FBXW4: variants seen among roughly 807,000 people sequenced by gnomAD.
FBXW4 encodes the protein F-box and WD repeat domain containing 4, also known as F-box/WD repeat-containing protein 4.
In FBXW4, 40 loss-of-function variants were observed where a neutral mutation model predicts 61.8. The observed-to-expected ratio is 0.65, with a 90% CI of 0.50 to 0.84. The LOEUF (loss-of-function observed/expected upper bound fraction) is 0.84. Ranked by LOEUF, FBXW4 falls within the 40% of genes least tolerant of loss-of-function variation. The probability of loss-of-function intolerance (pLI) is 0.00; values close to 1 mark genes in which losing one functional copy is unlikely to be tolerated. For synonymous variants in FBXW4, 311 were observed against 313.8 expected, an observed-to-expected ratio of 0.99 and a Z score of 0.10; for missense variants, 672 against 753.8, an observed-to-expected ratio of 0.89 and a Z score of 1.27.
At chr10:101,642,874 G>C (rs2064065762) in intron 5 of FBXW4, among the ~76,000 whole-genome samples, 1 of 152,178 alleles carries the variant, frequency 6.6e-6, no homozygotes, top group South Asian at 2.1e-4. Context: ...ATTTAGGGCA[G>C]GGCTGGGCGT....
Position 101,694,351 on chromosome 10 carries a change from C to T in FBXW4, c.725+30G>A, listed in dbSNP as rs1182197583. On this transcript the variant is annotated intron_variant, in intron 1 of 8. Coordinates refer to ENST00000331272, the MANE Select transcript of FBXW4 (RefSeq NM_022039.4). This position sits in a 1 kb window ranked among gnomAD's most constrained non-coding sequence, Gnocchi z 6.0. ...CCCGGGACGCGGGGCCGGCTCGGGGCGGGGAGCGGGCGGGCGAGCGGACGC... is the reference window on the plus strand; with the variant it reads ...CCCGGGACGCGGGGCCGGCTCGGGGTGGGGAGCGGGCGGGCGAGCGGACGC... 3 of 1,351,396 alleles carry T rather than the reference C, an allele frequency of 2.2e-6. No individual in the cohort carries two copies. The highest frequency in any genetic ancestry group is 3.1e-5 in the East Asian group (1 of 32,296). 83.7% of individuals were successfully genotyped at this position (1,351,396 alleles called of 1,614,324 possible).
intron 5 of FBXW4, among the ~76,000 whole-genome samples, chr10:101,651,926 A>G (rs2064149042): frequency 6.6e-6 from 1 of 151,558 alleles, no homozygotes; most frequent in Non-Finnish European, 1.5e-5. Flanking sequence ...CCTGCCAATC[A>G]CCTCTAGTTA....
At chr10:101,678,731 TAC>T (rs2064442978) in intron 1 of FBXW4, among the ~76,000 whole-genome samples, 1 of 152,166 alleles carries the variant, frequency 6.6e-6, no homozygotes, top group South Asian at 2.1e-4. Flanking sequence ...CCCGGCGAGA[TAC>T]ACTCATTTAT....
chr10:101,694,875 C>A lies in FBXW4; in HGVS notation c.231G>T (p.Ala77=). 2 of 1,243,268 alleles carry A rather than the reference C, an allele frequency of 1.6e-6. No individual in the cohort carries two copies. Among genetic ancestry groups the A allele is most frequent in the South Asian group, 3.6e-5 (1 of 27,804 alleles). 77.0% of individuals were successfully genotyped at this position (1,243,268 alleles called of 1,614,324 possible). The change falls in exon 1 of 9, where the codon GCG becomes GCT. Residue 77 remains alanine (A), a synonymous_variant. Transcript: ENST00000331272. This position sits in a 1 kb window ranked among gnomAD's most constrained non-coding sequence, Gnocchi z 6.0. The part of the protein sequence containing the change: ...EAAGPGADAG[A]RACPREEAEG... ...CTGCTTCCTCCCTTGGGCATGCCCT[C>A]GCTCCCGCGTCAGCCCCCGGCCCGG...
intron 1 of FBXW4, among the ~76,000 whole-genome samples, chr10:101,689,420 G>T (rs2064567844): frequency 6.6e-6 from 1 of 152,196 alleles, no homozygotes; most frequent in Non-Finnish European, 1.5e-5. Context: ...GCTTCCACAG[G>T]TGTACTGTTT....
intron 5 of FBXW4, among the ~76,000 whole-genome samples, chr10:101,629,945 C>T (rs1422003384): frequency 2.0e-5 from 3 of 152,170 alleles, no homozygotes; most frequent in Admixed American, 2.0e-4. Context: ...GCAGCTGTGC[C>T]CCGTGGCTGG....
chr10:101,683,912 G>A (rs1589782202), intron 1 of FBXW4, among the ~76,000 whole-genome samples: 1 of 152,306 alleles, frequency 6.6e-6, no homozygotes, highest in East Asian at 1.9e-4. Flanking sequence ...AGGCCAAGGA[G>A]GGGAAAACAG....
intron 5 of FBXW4, among the ~76,000 whole-genome samples, chr10:101,630,880 A>G (rs947637341): frequency 6.6e-6 from 1 of 152,236 alleles, no homozygotes; most frequent in Non-Finnish European, 1.5e-5. Flanking sequence ...CAGGTGGGGA[A>G]ACATCCACCT....
chr10:101,643,514 G>A (rs556267949), intron 5 of FBXW4, among the ~76,000 whole-genome samples: 1 of 152,356 alleles, frequency 6.6e-6, no homozygotes, highest in Non-Finnish European at 1.5e-5. Context: ...GATGCCGCAG[G>A]CATATGCACG....
intron 6 of FBXW4, among the ~76,000 whole-genome samples, chr10:101,615,180 T>TG (rs2063816891): frequency 6.6e-6 from 1 of 152,118 alleles, no homozygotes; most frequent in African/African-American, 2.4e-5. Flanking sequence ...CCTCTCACTG[T>TG]GGGGGGCGAG....
chr10:101,683,833 T>C (rs1229097146), intron 1 of FBXW4, among the ~76,000 whole-genome samples: 1 of 152,110 alleles, frequency 6.6e-6, no homozygotes, highest in Non-Finnish European at 1.5e-5. Flanking sequence ...AACATCCTGC[T>C]GATTTGGAAG....
rs114379846 is a variant in FBXW4 at position 101,617,496 on chromosome 10, G to A, written c.1302-5019C>T. Among the ~76,000 whole-genome samples, 304 of 152,308 alleles carry A rather than the reference G, an allele frequency of 2.0e-3. 1 individual carries two copies. The highest frequency in any genetic ancestry group is 7.1e-3 in the African/African-American group (294 of 41,558). On this transcript the variant is annotated intron_variant, in intron 6 of 8. Coordinates refer to ENST00000331272, the MANE Select transcript of FBXW4 (RefSeq NM_022039.4). ...TAAACATTAACAATGGAGGAGCTAT[G>A]GAAGCTTCACTTGCCTCAGCCCCAT...
chr10:101,678,409 G>C (rs1434415458), intron 1 of FBXW4, among the ~76,000 whole-genome samples: 1 of 152,142 alleles, frequency 6.6e-6, no homozygotes, highest in Non-Finnish European at 1.5e-5. Context: ...GCCAGGGAGA[G>C]ATACACTAAT....
At chr10:101,636,052 T>C (rs1308583684) in intron 5 of FBXW4, among the ~76,000 whole-genome samples, 1 of 151,928 alleles carries the variant, frequency 6.6e-6, no homozygotes, top group Non-Finnish European at 1.5e-5. Flanking sequence ...AAGCCTCTAG[T>C]AAGAATTGCA....
chr10:101,673,585 C>A lies in FBXW4; in HGVS notation c.910G>T (p.Ala304Ser). 2 of 1,614,024 alleles carry A rather than the reference C, an allele frequency of 1.2e-6. No individual in the cohort carries two copies. Among genetic ancestry groups the A allele is most frequent in the Non-Finnish European group, 1.7e-6 (2 of 1,179,890 alleles). ...CCCAGAGGCCGACGATTCAAGCTGG[C>A]ACCATCTGGACGGAACTGGTAGGCC... ...ILAYQFRPDGASLNRRPLGVF... is the reference protein window; with the variant it reads ...ILAYQFRPDGSSLNRRPLGVF... The change falls in exon 3 of 9, where the codon GCC (alanine) becomes TCC (serine). Residue 304 changes from alanine to serine, a missense_variant. Around this residue, in one of 5 missense-constraint regions of FBXW4, gnomAD observed 312 missense variants for 370.1 expected, o/e 0.84. Coordinates refer to ENST00000331272, the MANE Select transcript of FBXW4 (RefSeq NM_022039.4).
At chr10:101,683,704 A>G (rs376993275) in intron 1 of FBXW4, among the ~76,000 whole-genome samples, 1 of 152,146 alleles carries the variant, frequency 6.6e-6, no homozygotes, top group East Asian at 1.9e-4. Flanking sequence ...ATAATCTCTG[A>G]GATCAGAAAA....
chr10:101,665,876 T>C (rs2064294212), intron 5 of FBXW4, among the ~76,000 whole-genome samples: 1 of 152,156 alleles, frequency 6.6e-6, no homozygotes, highest in Non-Finnish European at 1.5e-5. Context: ...TTGTGTTCTT[T>C]GGCTTCAATC....
chr10:101,676,014 T>C (rs2064404168), intron 2 of FBXW4, among the ~76,000 whole-genome samples: 1 of 152,228 alleles, frequency 6.6e-6, no homozygotes, highest in African/African-American at 2.4e-5. Flanking sequence ...TGATGGCATA[T>C]GTTAACAGAG....
rs565519239 is a variant in FBXW4 at position 101,646,221 on chromosome 10, C to T, written c.1236-21411G>A. On this transcript the variant is annotated intron_variant, in intron 5 of 8. Transcript: ENST00000331272. ...CCTGTCCCTATTCTATTCTGTAGAC[C>T]ACTTTAGAAAGCTACAGTCAAGGCT... Among the ~76,000 whole-genome samples, 10 of 152,290 alleles carry T rather than the reference C, an allele frequency of 6.6e-5. 1 individual carries two copies. The highest frequency in any genetic ancestry group is 2.4e-4 in the African/African-American group (10 of 41,562).
Sources: gnomAD v4.1 joint callset for allele counts (sites outside exome capture counted in the v4.1 genomes callset) on GRCh38, gnomAD v4.1.1 for gene constraint, gnomAD v4.1.1 regional missense constraint, Gnocchi (gnomAD v3.1) non-coding constraint, MANE v1.5 for transcripts, NCBI Gene and HGNC (gene_info 2026-07-23, HGNC 2026-07-21) for gene names.